Variants in RABGAP1L observed in about 807,000 individuals in gnomAD.
The protein encoded by RABGAP1L is RAB GTPase activating protein 1 like.
RABGAP1L carries 63 observed loss-of-function variants against 137.7 expected under a neutral mutation model. The ratio of observed to expected loss-of-function variants is 0.46; its 90% CI spans 0.37 to 0.56. RABGAP1L has a LOEUF of 0.56. Among genes scored for constraint, RABGAP1L ranks in the 20% least tolerant of loss-of-function variants. RABGAP1L has a pLI of 0.00. For synonymous variants in RABGAP1L, 431 were observed against 433.7 expected (o/e 0.99, Z 0.08); for missense variants, 1,095 against 1,244.0 (o/e 0.88, Z 1.80).
intron 19 of RABGAP1L, among the ~76,000 whole-genome samples, chr1:174,838,232 A>G (rs1191823799): frequency 1.3e-5 from 2 of 152,258 alleles, no homozygotes; most frequent in Admixed American, 6.5e-5. Flanking sequence ...AACCTAGGAT[A>G]AAATGCATAA....
At chr1:174,303,475 T>C (rs1291179498) in intron 10 of RABGAP1L, among the ~76,000 whole-genome samples, 1 of 152,192 alleles carries the variant, frequency 6.6e-6, no homozygotes, top group East Asian at 1.9e-4. Flanking sequence ...AAAAAGGTTT[T>C]AGAATTTATT....
chr1:174,167,832 G>A (rs1192107643), intron 1 of RABGAP1L, among the ~76,000 whole-genome samples: 1 of 152,130 alleles, frequency 6.6e-6, no homozygotes, highest in Non-Finnish European at 1.5e-5. Flanking sequence ...TAAACTACAT[G>A]GAGTGTTTTC....
chr1:174,202,270 G>C (rs1245531820), intron 1 of RABGAP1L, among the ~76,000 whole-genome samples: 1 of 152,110 alleles, frequency 6.6e-6, no homozygotes, highest in African/African-American at 2.4e-5. Flanking sequence ...CCCACCAACA[G>C]TGTAAAAGTG....
chr1:174,309,375 A>C (rs1269687096), intron 11 of RABGAP1L, among the ~76,000 whole-genome samples: 1 of 152,080 alleles, frequency 6.6e-6, no homozygotes, highest in Non-Finnish European at 1.5e-5. Flanking sequence ...TGCTTTGGCC[A>C]GGACTCATTA....
intron 13 of RABGAP1L, among the ~76,000 whole-genome samples, chr1:174,521,561 TAAA>T (rs1663396274): frequency 6.6e-6 from 1 of 152,126 alleles, no homozygotes; most frequent in African/African-American, 2.4e-5. Context: ...CCTCCAAAAG[TAAA>T]GAAGTTTTTA....
At chr1:174,615,600 C>T (rs1411687052) in intron 13 of RABGAP1L, among the ~76,000 whole-genome samples, 1 of 152,226 alleles carries the variant, frequency 6.6e-6, no homozygotes, top group Admixed American at 6.5e-5. Context: ...CCACTGCTGT[C>T]TTCAAAGCTG....
At chr1:174,757,691 C>T (rs918510185) in intron 18 of RABGAP1L, among the ~76,000 whole-genome samples, 1 of 151,656 alleles carries the variant, frequency 6.6e-6, no homozygotes, top group African/African-American at 2.4e-5. Context: ...GGGAGAATAT[C>T]CAGTTTCTTT....
chr1:174,763,117 C>T (rs1573075192), intron 18 of RABGAP1L, among the ~76,000 whole-genome samples: 1 of 151,892 alleles, frequency 6.6e-6, no homozygotes, highest in African/African-American at 2.4e-5. Flanking sequence ...GCCTGGCCTC[C>T]TTTGCTTTTA....
chr1:174,924,968 G>A (rs1662466719), intron 19 of RABGAP1L, among the ~76,000 whole-genome samples: 2 of 152,178 alleles, frequency 1.3e-5, no homozygotes, highest in Non-Finnish European at 2.9e-5. Context: ...AGGGTAGTAA[G>A]GGTAGATTTC....
chr1:174,230,379 C>T (rs1233802345), intron 3 of RABGAP1L, among the ~76,000 whole-genome samples: 1 of 152,004 alleles, frequency 6.6e-6, no homozygotes, highest in Non-Finnish European at 1.5e-5. Context: ...CACTTGTACC[C>T]TAAAACTTAA....
In RABGAP1L at chr1:174,892,730, TTC is replaced by T. The variant is rs369646400; in HGVS notation, c.2341-64725_2341-64724del. 1,721 of 449,430 alleles carry T rather than the reference TTC, an allele frequency of 3.8e-3. 58 individuals carry two copies. Among genetic ancestry groups the T allele is most frequent in the South Asian group, 4.2e-3 (254 of 60,386 alleles). The allele number at this position is 449,430 out of a possible 1,614,324, so 27.8% of individuals were successfully genotyped here. A position where few individuals can be genotyped will look rare whatever the true frequency, so the allele number is the denominator to read the frequency against. On this transcript the variant is annotated intron_variant, in intron 19 of 25. Transcript: ENST00000681986. The stretch of plus-strand genomic sequence containing the variant: ...AGGCTACCTCATTTCTTTGTTTTCT[TTC>T]TTTTTTTTTTTTTTGTGATGGAGTT...
At chr1:174,348,101 T>A (rs1346540639) in intron 11 of RABGAP1L, among the ~76,000 whole-genome samples, 1 of 151,962 alleles carries the variant, frequency 6.6e-6, no homozygotes, top group African/African-American at 2.4e-5. Flanking sequence ...TCTTCCTTTC[T>A]GTGAAGGTTA....
intron 13 of RABGAP1L, among the ~76,000 whole-genome samples, chr1:174,403,747 A>G (rs1174729597): frequency 6.6e-6 from 1 of 151,730 alleles, no homozygotes; most frequent in Non-Finnish European, 1.5e-5. Flanking sequence ...CATGATGTGT[A>G]TAATAGCTGA....
intron 11 of RABGAP1L, among the ~76,000 whole-genome samples, chr1:174,326,127 A>C (rs897308279): frequency 6.6e-6 from 1 of 152,210 alleles, no homozygotes; most frequent in Non-Finnish European, 1.5e-5. Context: ...ATAAATATCT[A>C]ATTTGTTAAT....
chr1:174,714,757 A>G (rs763843476), intron 17 of RABGAP1L, among the ~76,000 whole-genome samples: 8 of 152,154 alleles, frequency 5.3e-5, no homozygotes, highest in African/African-American at 1.9e-4. Context: ...ATTATTCTCT[A>G]TCAATCTCTA....
At chr1:174,596,328 T>C (rs1669913155) in intron 13 of RABGAP1L, among the ~76,000 whole-genome samples, 3 of 152,062 alleles carry the variant, frequency 2.0e-5, no homozygotes, top group African/African-American at 7.2e-5. Flanking sequence ...TGGCTCACGC[T>C]GGGAGCTGTA....
At chr1:174,621,883 C>T (rs1236819320) in intron 13 of RABGAP1L, among the ~76,000 whole-genome samples, 6 of 152,114 alleles carry the variant, frequency 3.9e-5, no homozygotes, top group Non-Finnish European at 7.3e-5. Context: ...AGCTTCTGCA[C>T]AGCAAAAGAA....
chr1:174,180,136 A>G lies in RABGAP1L; in HGVS notation c.-34+20479A>G, dbSNP rs554225133. On this transcript the variant is annotated intron_variant, in intron 1 of 25. Coordinates refer to ENST00000681986, the MANE Select transcript of RABGAP1L (RefSeq NM_001366446.1). The stretch of plus-strand genomic sequence containing the variant: ...GCTAAGTTCAGGGTACTGATCCTGT[A>G]TAAGAATAGCTTCCAATTCAGATCT... 4.6e-5 allele frequency among the ~76,000 whole-genome samples: 7 copies of G among 152,320 alleles called. No homozygotes were observed. In the East Asian group the frequency reaches 1.2e-3, roughly 25 times the overall value.
intron 1 of RABGAP1L, among the ~76,000 whole-genome samples, chr1:174,182,576 A>G (rs1489169250): frequency 6.6e-6 from 1 of 152,236 alleles, no homozygotes; most frequent in Non-Finnish European, 1.5e-5. Flanking sequence ...TAAATCACAA[A>G]TTATAGTTTA....
Sources: allele counts gnomAD v4.1 joint callset (sites outside exome capture counted in the v4.1 genomes callset), GRCh38; gene constraint gnomAD v4.1.1; transcripts MANE v1.5; gene names NCBI Gene and HGNC (gene_info 2026-07-23, HGNC 2026-07-21).